The following CSN1S1 variants were observed in gnomAD, a reference collection of about 807,000 sequenced individuals.
CSN1S1 encodes the protein casein alpha s1.
CSN1S1 carries 63 observed loss-of-function variants against 49.1 expected under a neutral mutation model. The ratio of observed to expected loss-of-function variants is 1.28; its 90% CI spans 1.05 to 1.58. CSN1S1 has a LOEUF of 1.58. Ranked by LOEUF, CSN1S1 falls within the 40% of genes most tolerant of loss-of-function variation. The pLI, the probability that CSN1S1 is intolerant of heterozygous loss-of-function variation, is 0.00. For missense variants in CSN1S1, 260 were observed against 224.7 expected (o/e 1.16, Z -1.01); for synonymous variants, 78 against 67.1 (o/e 1.16, Z -0.79).
rs947252919 is a variant in CSN1S1, at chr4:69,939,316, T to C, written c.276+108T>C. 4.7e-6 allele frequency: 3 copies of C among 640,698 alleles called. No individual in the cohort carries two copies. The African/African-American group carries it at 5.6e-5, about 12-fold the overall frequency. The allele number at this position is 640,698 out of a possible 1,614,324, so 39.7% of individuals were successfully genotyped here. A position where few individuals can be genotyped will look rare whatever the true frequency, so the allele number is the denominator to read the frequency against. On this transcript the variant is annotated intron_variant, in intron 10 of 15. Transcript: ENST00000246891. ...TAAGGTCTCATTGTACAAGGCAGTG[T>C]ATATGTGGCACTATTCTAGTTTTAG...
chr4:69,940,931 T>C (rs765495554), intron 11 of CSN1S1, 88 bp from the exon 12 acceptor site: 7 of 657,284 alleles, frequency 1.1e-5, no homozygotes, highest in African/African-American at 1.9e-5. Flanking sequence ...GGAAAGAGCA[T>C]TGTTAGATTC....
intron 4 of CSN1S1, among the ~76,000 whole-genome samples, 158 bp from the exon 5 acceptor site, chr4:69,935,768 T>C (rs1280322485): frequency 1.3e-5 from 2 of 152,138 alleles, no homozygotes; most frequent in Non-Finnish European, 2.9e-5. Context: ...AATAGAATGC[T>C]CTTAACTATA....
At chr4:69,942,273 G>T (rs1722993884) in intron 13 of CSN1S1, among the ~76,000 whole-genome samples, 1 of 151,812 alleles carries the variant, frequency 6.6e-6, no homozygotes, top group Non-Finnish European at 1.5e-5. Context: ...CTAGAGAAAT[G>T]GTAGGTTATT....
intron 4 of CSN1S1, among the ~76,000 whole-genome samples, chr4:69,934,942 G>A (rs1324404683): frequency 3.3e-5 from 5 of 152,046 alleles, no homozygotes; most frequent in Admixed American, 3.3e-4. Flanking sequence ...TGGTGAAGAA[G>A]GAACTAATTA....
At chr4:69,932,654 G>T (rs923225624) in intron 2 of CSN1S1, 48 bp downstream of exon 2, 2 of 1,463,798 alleles carry the variant, frequency 1.4e-6, no homozygotes, top group African/African-American at 1.4e-5. Flanking sequence ...TGTTAGAAAT[G>T]ACCTGACACT....
chr4:69,944,193 C>A (rs12499478), intron 14 of CSN1S1, among the ~76,000 whole-genome samples: 5 of 151,862 alleles, frequency 3.3e-5, no homozygotes, highest in East Asian at 1.9e-4. Context: ...GAACTTCCAC[C>A]TGAATATGTA....
rs1351086944 is a variant in CSN1S1 at position 69,940,051 on chromosome 4, CAT to C, written c.300+10_300+11del. 1 of 1,358,772 alleles carries C rather than the reference CAT, an allele frequency of 7.4e-7. No individual in the cohort carries two copies. The highest frequency in any genetic ancestry group is 9.9e-7 in the Non-Finnish European group (1 of 1,006,326). The allele number at this position is 1,358,772 out of a possible 1,614,324, so 84.2% of individuals were successfully genotyped here. A position where few individuals can be genotyped will look rare whatever the true frequency, so the allele number is the denominator to read the frequency against. ...GTCTCTCAGTAAGTGTGCGGTAAGA[CAT>C]ATTTGCTAAATTTAAAATATATTAA... On this transcript the variant is annotated splice_region_variant and intron_variant, in intron 11 of 15. Transcript: ENST00000246891.
Position 69,932,601 on chromosome 4 carries a change from A to T in CSN1S1, c.46A>T (p.Arg16Trp). The change falls in exon 2 of 16, where the codon AGG becomes TGG. Residue 16 changes from arginine to tryptophan, a missense_variant. By Grantham distance (101) the Arg-to-Trp change is moderately radical. Coordinates refer to ENST00000246891, the MANE Select transcript of CSN1S1 (RefSeq NM_001890.2). ...CTGTCTTGTGGCTGTTGCTCTTGCC[A>T]GGCCTGTAAGTTCAGTAGAGAATTT... ...LTCLVAVALA[R>W]PKLPLRYPER... 2 of 1,597,308 alleles carry T rather than the reference A, an allele frequency of 1.3e-6. No individual in the cohort carries two copies. Among genetic ancestry groups the T allele is most frequent in the Non-Finnish European group, 1.7e-6 (2 of 1,170,230 alleles).
At chr4:69,935,054 G>A (rs898726458) in intron 4 of CSN1S1, among the ~76,000 whole-genome samples, 9 of 151,958 alleles carry the variant, frequency 5.9e-5, no homozygotes, top group East Asian at 1.9e-4. Context: ...ATTAAATGGA[G>A]CATTTGTGTT....
In CSN1S1 at chr4:69,937,812, GC is replaced by G; in HGVS notation, c.233del (p.Ala78GlufsTer29). 33 of 1,597,090 alleles carry G rather than the reference GC, an allele frequency of 2.1e-5. 1 individual carries two copies. Among genetic ancestry groups the G allele is most frequent in the Non-Finnish European group, 2.7e-5 (32 of 1,173,394 alleles). On this transcript the variant is annotated frameshift_variant, in exon 9 of 16. Coordinates refer to ENST00000246891, the MANE Select transcript of CSN1S1 (RefSeq NM_001890.2). LOFTEE classifies it high-confidence loss of function. ...RNESTQNCVV[A>X]EPEKMESSIS... ...TTTCTTTCTTAAGAACTGTGTTGTG[GC>G]AGAGCCTGAGGTAAGACCCATTCAT...
chr4:69,940,464 A>C (rs1722938654), intron 11 of CSN1S1, among the ~76,000 whole-genome samples: 1 of 151,756 alleles, frequency 6.6e-6, no homozygotes. Flanking sequence ...ATCTGGTTAC[A>C]CTTGAGTTCA....
Position 69,935,965 on chromosome 4 carries a change from C to T in CSN1S1, c.129+16C>T. 1.3e-6 allele frequency: 2 copies of T among 1,531,634 alleles called. No individual in the cohort carries two copies. The highest frequency in any genetic ancestry group is 1.8e-6 in the Non-Finnish European group (2 of 1,129,952). 94.9% of individuals were successfully genotyped at this position (1,531,634 alleles called of 1,614,324 possible). On this transcript the variant is annotated intron_variant, in intron 5 of 15. Coordinates refer to ENST00000246891, the MANE Select transcript of CSN1S1 (RefSeq NM_001890.2). ...ATCAAGAGAGGTAAGAATGACTCCA[C>T]AGAATTTACCGTGCAATTAACAAAG...
At chr4:69,935,722 A>T (rs527645192) in intron 4 of CSN1S1, among the ~76,000 whole-genome samples, 1 of 152,208 alleles carries the variant, frequency 6.6e-6, no homozygotes, top group South Asian at 2.1e-4. Context: ...CCTTTCCGTG[A>T]CGTATGTAGA....
At chr4:69,940,085 C>A in intron 11 of CSN1S1, 41 bp downstream of exon 11, 5 of 913,098 alleles carry the variant, frequency 5.5e-6, no homozygotes, top group Non-Finnish European at 6.4e-6. Flanking sequence ...TTAATATTTT[C>A]CAGGATAATT....
intron 8 of CSN1S1, 22 bp downstream of exon 8, chr4:69,937,166 T>G: frequency 6.7e-7 from 1 of 1,498,278 alleles, no homozygotes. Flanking sequence ...TGTTTTAAAA[T>G]TATTAAACCA....
At chr4:69,943,775 A>G (rs190047256) in intron 14 of CSN1S1, among the ~76,000 whole-genome samples, 1 of 152,140 alleles carries the variant, frequency 6.6e-6, no homozygotes, top group African/African-American at 2.4e-5. Flanking sequence ...AGAGCAAAAA[A>G]GAATACACAA....
At chr4:69,943,216 A>C (rs948925987) in intron 14 of CSN1S1, among the ~76,000 whole-genome samples, 5 of 150,888 alleles carry the variant, frequency 3.3e-5, no homozygotes, top group Admixed American at 6.6e-5. Flanking sequence ...ACAGATTCTC[A>C]CACTGTTGCT....
At chr4:69,936,071 C>A (rs2109716198) in intron 5 of CSN1S1, 122 bp downstream of exon 5, 1 of 758,836 alleles carries the variant, frequency 1.3e-6, no homozygotes, top group East Asian at 2.8e-5. Context: ...TTGAGTGGAA[C>A]AAACTTAAAA....
intron 15 of CSN1S1, among the ~76,000 whole-genome samples, chr4:69,945,663 ACTCCACAGTTAGGGCCCTTGGTAAG>A (rs1470965182): frequency 1.3e-5 from 2 of 151,846 alleles, no homozygotes; most frequent in Non-Finnish European, 2.9e-5. Context: ...TTCTCAAGGA[ACTCCACAGTTAGGGCCCTTGGTAAG>A]TTTGGAAATT....
Sources: gnomAD v4.1 joint callset for allele counts (sites outside exome capture counted in the v4.1 genomes callset) on GRCh38, gnomAD v4.1.1 for gene constraint, MANE v1.5 for transcripts, NCBI Gene and HGNC (gene_info 2026-07-23, HGNC 2026-07-21) for gene names.